The following NDUFS2 variants were observed in gnomAD, a reference collection of about 807,000 sequenced individuals.
NDUFS2 encodes the protein NADH:ubiquinone oxidoreductase core subunit S2.
In NDUFS2, 38 loss-of-function variants were observed where a neutral mutation model predicts 69.6. The ratio of observed to expected loss-of-function variants is 0.55; its 90% CI spans 0.42 to 0.72. The LOEUF (loss-of-function observed/expected upper bound fraction) is 0.72. Ranked by LOEUF, NDUFS2 falls within the 30% of genes least tolerant of loss-of-function variation. NDUFS2 has a pLI of 0.00. For synonymous variants in NDUFS2, 194 were observed against 211.2 expected (o/e 0.92, Z 0.70); for missense variants, 468 against 595.0 (o/e 0.79, Z 2.22).
rs768681848 is a variant in NDUFS2 at position 161,210,164 on chromosome 1, T to C, written c.756T>C (p.Ser252=). ...DDIYQFSKNF[S]LRLDELEELL... ...TTTATCAGTTTTCTAAGAACTTCTCTCTTCGGCTTGATGAGTTGGAGGAGG... is the reference window on the plus strand; with the variant it reads ...TTTATCAGTTTTCTAAGAACTTCTCCCTTCGGCTTGATGAGTTGGAGGAGG... Residue 252 remains serine (S), a synonymous_variant, in exon 7 of 14, where the codon TCT becomes TCC. Coordinates refer to ENST00000676972, the MANE Select transcript of NDUFS2 (RefSeq NM_001377299.1). 3.7e-6 allele frequency: 6 copies of C among 1,614,162 alleles called. No individual in the cohort carries two copies. Among genetic ancestry groups the C allele is most frequent in the Non-Finnish European group, 5.1e-6 (6 of 1,180,034 alleles).
At chr1:161,201,970 A>G (rs1224800547), upstream of NDUFS2, 4 of 279,770 alleles carry the variant, frequency 1.4e-5, no homozygotes, top group Non-Finnish European at 2.9e-5. Context: ...GGGCTACCCT[A>G]TAAGGGCAGG....
intron 1 of NDUFS2, 145 bp downstream of exon 1, chr1:161,202,625 C>T: frequency 1.1e-6 from 1 of 902,940 alleles, no homozygotes; most frequent in South Asian, 1.4e-5. Context: ...GATGCAGTGG[C>T]GCCCACTCTG....
chr1:161,205,778 A>AG (rs1349698677), intron 2 of NDUFS2, among the ~76,000 whole-genome samples: 1 of 152,114 alleles, frequency 6.6e-6, no homozygotes, highest in East Asian at 1.9e-4. Flanking sequence ...AAAAAAAAAA[A>AG]AAAAGGTAAT....
In NDUFS2 at chr1:161,202,460, A is replaced by G. The variant is rs375549956; in HGVS notation, c.75A>G (p.Arg25=). The G allele has an allele frequency of 1.1e-4, 170 of 1,611,702 alleles. No homozygotes were observed. The highest frequency in any genetic ancestry group is 1.4e-4 in the Non-Finnish European group (163 of 1,179,406). ...AQVLRPGAGV[R]LPIQPSRGVR... is the part of the protein sequence containing the mutation. ...TGCTGCGGCCTGGGGCTGGAGTCCG[A>G]TTGCCGATTCAGCCCAGCAGGTGAG... is the stretch of plus-strand genomic sequence containing the variant. Residue 25 remains arginine, a synonymous_variant, in exon 1 of 14, where the codon CGA becomes CGG. Coordinates refer to ENST00000676972, the MANE Select transcript of NDUFS2 (RefSeq NM_001377299.1).
upstream of NDUFS2, among the ~76,000 whole-genome samples, chr1:161,201,758 C>T (rs565750820): frequency 1.8e-4 from 28 of 152,296 alleles, 1 homozygote; most frequent in South Asian, 1.4e-3. Flanking sequence ...CCTACACACC[C>T]CGACACTCCC....
At chr1:161,213,620 A>G in intron 11 of NDUFS2, 29 bp from the exon 12 acceptor site, 5 of 1,610,990 alleles carry the variant, frequency 3.1e-6, no homozygotes, top group Non-Finnish European at 4.2e-6. Flanking sequence ...TCATGTTAAT[A>G]CAGACACCCA....
upstream of NDUFS2, chr1:161,198,983 T>G: frequency 4.2e-6 from 1 of 236,554 alleles, no homozygotes; most frequent in Non-Finnish European, 8.2e-6. The surrounding 1 kb of genome is among the most constrained non-coding windows in gnomAD (Gnocchi z 4.7). Flanking sequence ...CCGCTGTGCC[T>G]TTGTCTCTGT....
intron 2 of NDUFS2, 93 bp downstream of exon 2, chr1:161,203,636 C>T (rs889343136): frequency 1.8e-6 from 2 of 1,122,052 alleles, no homozygotes; most frequent in Admixed American, 2.0e-5. Context: ...CCCTCTGTCT[C>T]CCTGGCTGGA....
At chr1:161,206,652 G>A (rs1665485143) in intron 3 of NDUFS2, 55 bp downstream of exon 3, 2 of 1,583,526 alleles carry the variant, frequency 1.3e-6, no homozygotes, top group South Asian at 2.3e-5. Flanking sequence ...TTTAGCCTGG[G>A]GCTTTGCCAG....
chr1:161,211,637 G>T (rs138000720), intron 9 of NDUFS2, among the ~76,000 whole-genome samples: 2 of 152,116 alleles, frequency 1.3e-5, no homozygotes, highest in African/African-American at 4.8e-5. Flanking sequence ...GCGACAGAGC[G>T]AGACTCTGTC....
At chr1:161,198,288 G>T (rs547537603), upstream of NDUFS2, 15 of 1,613,754 alleles carry the variant, frequency 9.3e-6, no homozygotes, top group South Asian at 1.6e-4. This position sits in a 1 kb window ranked among gnomAD's most constrained non-coding sequence, Gnocchi z 4.7. Flanking sequence ...TCAGGCGCCT[G>T]GCCCAGGTAC....
chr1:161,204,845 G>A (rs1397303087), intron 2 of NDUFS2, among the ~76,000 whole-genome samples: 2 of 152,160 alleles, frequency 1.3e-5, no homozygotes, highest in Non-Finnish European at 2.9e-5. Context: ...TAGGTCAGGA[G>A]TTCAAGACCA....
At chr1:161,202,625 C>G (rs566087937) in intron 1 of NDUFS2, 145 bp downstream of exon 1, 74 of 902,822 alleles carry the variant, frequency 8.2e-5, no homozygotes, top group Admixed American at 1.4e-4. Context: ...GATGCAGTGG[C>G]GCCCACTCTG....
chr1:161,202,497 C>T lies in NDUFS2; in HGVS notation c.95+17C>T. On this transcript the variant is annotated intron_variant, in intron 1 of 13. Transcript: ENST00000676972. ...GCCCAGCAGGTGAGATCGAGGGCAG[C>T]TCTCGACACACTTTCTCCAAGGCTA... 6.2e-7 allele frequency: 1 copy of T among 1,602,270 alleles called. No individual in the cohort carries two copies. The highest frequency in any genetic ancestry group is 8.5e-7 in the Non-Finnish European group (1 of 1,174,470).
intron 3 of NDUFS2, among the ~76,000 whole-genome samples, chr1:161,207,679 A>G (rs969012704): frequency 2.7e-5 from 4 of 147,358 alleles, no homozygotes; most frequent in Non-Finnish European, 6.0e-5. Context: ...GTGAGCCAAG[A>G]TGGTGCTACT....
Position 161,209,552 on chromosome 1 carries a change from G to C in NDUFS2, c.584G>C (p.Gly195Ala). The change falls in exon 5 of 14, where the codon GGG (glycine) becomes GCG (alanine). Residue 195 changes from glycine (G) to alanine (A), a missense_variant. By Grantham distance (60) the Gly-to-Ala change is moderately conservative (BLOSUM62 0). Around this residue, in one of 3 missense-constraint regions of NDUFS2, gnomAD observed 339 missense variants for 433.8 expected, o/e 0.78. Coordinates refer to ENST00000676972, the MANE Select transcript of NDUFS2 (RefSeq NM_001377299.1). ...MAVTTHALDL[G>A]AMTPFFWLFE... ...GTGACCACACATGCCCTGGACCTTG[G>C]GGCCATGACCCCTTTCTTCTGGCTG... The C allele has an allele frequency of 1.2e-6, 2 of 1,613,418 alleles. No homozygotes were observed. The highest frequency in any genetic ancestry group is 1.7e-6 in the Non-Finnish European group (2 of 1,180,014).
chr1:161,206,642 T>G (rs750486370), intron 3 of NDUFS2, 45 bp downstream of exon 3: 15 of 1,601,376 alleles, frequency 9.4e-6, no homozygotes, highest in Non-Finnish European at 1.3e-5. Flanking sequence ...CTGGGGTTGC[T>G]TTAGCCTGGG....
chr1:161,209,755 AG>A (rs1241264164), intron 5 of NDUFS2, 101 bp from the exon 6 acceptor site: 1 of 1,347,712 alleles, frequency 7.4e-7, no homozygotes, highest in Non-Finnish European at 1.0e-6. Context: ...CTATATCATG[AG>A]GGGTTGGTTG....
At chr1:161,211,020 A>G (rs958484853) in intron 9 of NDUFS2, among the ~76,000 whole-genome samples, 2 of 152,124 alleles carry the variant, frequency 1.3e-5, no homozygotes, top group Admixed American at 6.6e-5. Context: ...GATTACAGGC[A>G]TGAGCCACCA....
Sources: allele counts gnomAD v4.1 joint callset (sites outside exome capture counted in the v4.1 genomes callset), GRCh38; gene constraint gnomAD v4.1.1; regional missense constraint gnomAD v4.1.1; non-coding constraint Gnocchi (gnomAD v3.1); transcripts MANE v1.5; gene names NCBI Gene and HGNC (gene_info 2026-07-23, HGNC 2026-07-21).